The following CTNNA3 variants were observed in gnomAD, a reference collection of about 807,000 sequenced individuals.
The protein encoded by CTNNA3 is catenin alpha 3, also known as catenin alpha-3.
Under a neutral mutation model 95.7 loss-of-function variants are expected in CTNNA3, and 76 were observed. That is an observed-to-expected ratio of 0.79 (90% confidence interval 0.66 to 0.96). The LOEUF (loss-of-function observed/expected upper bound fraction) is 0.96, where lower values mean the gene tolerates loss of function less well. Among genes scored for constraint, CTNNA3 ranks in the 40% least tolerant of loss-of-function variants. The pLI, the probability that CTNNA3 is intolerant of heterozygous loss-of-function variation, is 0.00. For missense variants in CTNNA3, 1,191 were observed against 1,089.8 expected (o/e 1.09, Z -1.31); for synonymous variants, 431 against 374.4 (o/e 1.15, Z -1.74).
intron 10 of CTNNA3, among the ~76,000 whole-genome samples, chr10:66,594,008 TTC>T (rs1453484439): frequency 6.6e-6 from 1 of 152,120 alleles, no homozygotes; most frequent in Non-Finnish European, 1.5e-5. Context: ...CCTAAAGTTC[TTC>T]TCTGAACTTC....
intron 6 of CTNNA3, among the ~76,000 whole-genome samples, chr10:67,195,608 A>G (rs1863325669): frequency 6.6e-6 from 1 of 152,000 alleles, no homozygotes; most frequent in South Asian, 2.1e-4. Context: ...AAAGCCATAG[A>G]CCCATATGAA....
chr10:65,999,386 CT>C (rs2078726021), intron 15 of CTNNA3, among the ~76,000 whole-genome samples: 1 of 152,100 alleles, frequency 6.6e-6, no homozygotes, highest in African/African-American at 2.4e-5. Context: ...TACCCTTCCC[CT>C]CAAAATACTA....
chr10:66,436,653 G>C lies in CTNNA3; in HGVS notation c.1532-57301C>G, dbSNP rs558677571. Among the ~76,000 whole-genome samples the C allele has an allele frequency of 3.6e-4, 55 of 151,988 alleles. No individual in the cohort carries two copies. In the South Asian group the frequency reaches 0.011, roughly 29 times the overall value. ...TCTTGACTCTTTATCCAATTTGTCA[G>C]TCTGTGTCTTTTAATTGGGGCATTT... On this transcript the variant is annotated intron_variant, in intron 11 of 17. Transcript: ENST00000433211.
chr10:66,518,081 G>T (rs10997216), intron 11 of CTNNA3, among the ~76,000 whole-genome samples: 1 of 152,036 alleles, frequency 6.6e-6, no homozygotes, highest in South Asian at 2.1e-4. Context: ...CAAACATCTA[G>T]GTATATGAGA....
chr10:67,719,530 T>A (rs540008769), intron 1 of CTNNA3, among the ~76,000 whole-genome samples: 42 of 152,346 alleles, frequency 2.8e-4, no homozygotes, highest in South Asian at 1.5e-3. Flanking sequence ...AAAGAACTTA[T>A]TGATTTCTGC....
chr10:66,618,908 A>G (rs1844634017), intron 10 of CTNNA3, among the ~76,000 whole-genome samples: 2 of 152,218 alleles, frequency 1.3e-5, no homozygotes, highest in Admixed American at 1.3e-4. Context: ...AAGGATATGA[A>G]CAGACACTTC....
intron 7 of CTNNA3, among the ~76,000 whole-genome samples, chr10:67,124,550 G>A (rs973176307): frequency 2.6e-5 from 4 of 152,024 alleles, no homozygotes; most frequent in Non-Finnish European, 4.4e-5. Context: ...ACTGATTCAC[G>A]GTGAATTGAC....
intron 7 of CTNNA3, among the ~76,000 whole-genome samples, chr10:66,849,151 C>T (rs571326013): frequency 1.3e-5 from 2 of 152,234 alleles, no homozygotes; most frequent in East Asian, 3.9e-4. Flanking sequence ...TGTAATGGAA[C>T]ACCTCATTTA....
chr10:66,616,459 G>C (rs1042808098), intron 10 of CTNNA3, among the ~76,000 whole-genome samples: 1 of 152,074 alleles, frequency 6.6e-6, no homozygotes, highest in Non-Finnish European at 1.5e-5. Flanking sequence ...TATAATGAGA[G>C]TGATTGTGTT....
At position 67,029,728 on chromosome 10, in the gene CTNNA3, T is replaced by C. The variant is rs530771874; in HGVS notation, c.1047+150589A>G. ...CAAAAGATATTTTTACAAATTAACT[T>C]TTAACTCTGTGATTCTATATCAAAA... On this transcript the variant is annotated intron_variant, in intron 7 of 17. Coordinates refer to ENST00000433211, the MANE Select transcript of CTNNA3 (RefSeq NM_013266.4). Among the ~76,000 whole-genome samples, 24 of 152,324 alleles carry C rather than the reference T, an allele frequency of 1.6e-4. No homozygotes were observed. In the South Asian group the frequency reaches 5.0e-3, roughly 32 times the overall value.
chr10:66,591,500 A>C (rs893717276), intron 10 of CTNNA3, among the ~76,000 whole-genome samples: 1 of 152,130 alleles, frequency 6.6e-6, no homozygotes, highest in Non-Finnish European at 1.5e-5. Flanking sequence ...AAACTGCTTT[A>C]CTTGATCACT....
At chr10:66,497,357 T>C (rs1346867015) in intron 11 of CTNNA3, among the ~76,000 whole-genome samples, 2 of 151,644 alleles carry the variant, frequency 1.3e-5, no homozygotes, top group Non-Finnish European at 2.9e-5. Context: ...AAACTGCAAT[T>C]AAATTTGCAT....
chr10:66,999,606 C>G (rs1237770761), intron 7 of CTNNA3, among the ~76,000 whole-genome samples: 1 of 152,060 alleles, frequency 6.6e-6, no homozygotes, highest in African/African-American at 2.4e-5. Context: ...TATTAAATGC[C>G]AACCTATAAA....
intron 13 of CTNNA3, among the ~76,000 whole-genome samples, chr10:66,155,808 T>A (rs964052847): frequency 6.6e-6 from 1 of 151,868 alleles, no homozygotes; most frequent in Non-Finnish European, 1.5e-5. Context: ...AGTTGATACA[T>A]TGAACTATAT....
intron 7 of CTNNA3, among the ~76,000 whole-genome samples, chr10:66,945,791 A>C (rs553362926): frequency 6.6e-6 from 1 of 152,148 alleles, no homozygotes; most frequent in East Asian, 1.9e-4. Context: ...AGGGTTATTA[A>C]TGGGTGAAAT....
At chr10:65,977,732 C>T (rs2078233911) in intron 16 of CTNNA3, among the ~76,000 whole-genome samples, 1 of 151,888 alleles carries the variant, frequency 6.6e-6, no homozygotes, top group Non-Finnish European at 1.5e-5. Context: ...AGTGAGCTGA[C>T]ATCGTGCCAC....
intron 13 of CTNNA3, among the ~76,000 whole-genome samples, chr10:66,161,112 G>GGTGAGTCCTCATGCATTC (rs1168739483): frequency 6.6e-6 from 1 of 152,124 alleles, no homozygotes; most frequent in Non-Finnish European, 1.5e-5. Context: ...CCAGATGGCT[G>GGTGAGTCCTCATGCATTC]GTGAGTCCTC....
intron 14 of CTNNA3, among the ~76,000 whole-genome samples, chr10:66,083,700 A>G (rs553620892): frequency 2.2e-4 from 33 of 152,302 alleles, no homozygotes; most frequent in African/African-American, 6.7e-4. Context: ...AAACCATCGT[A>G]TATCCATTAC....
intron 7 of CTNNA3, among the ~76,000 whole-genome samples, chr10:66,826,316 G>T (rs1002338877): frequency 6.6e-6 from 1 of 151,930 alleles, no homozygotes; most frequent in African/African-American, 2.4e-5. Context: ...TTGCCCTGTC[G>T]CCCAGGCTAG....
Sources: allele counts gnomAD v4.1 joint callset (sites outside exome capture counted in the v4.1 genomes callset), GRCh38; gene constraint gnomAD v4.1.1; transcripts MANE v1.5; gene names NCBI Gene and HGNC (gene_info 2026-07-23, HGNC 2026-07-21).